Variants in KIRREL3 observed in about 807,000 individuals in gnomAD.
KIRREL3 encodes kin of IRRE-like protein 3.
KIRREL3 carries 36 observed loss-of-function variants against 89.7 expected under a neutral mutation model. That is an observed-to-expected ratio of 0.40 (90% confidence interval 0.31 to 0.53). KIRREL3 has a LOEUF of 0.53. Among genes scored for constraint, KIRREL3 ranks in the 20% least tolerant of loss-of-function variants. KIRREL3 has a pLI of 0.49. For synonymous variants in KIRREL3, 445 were observed against 441.4 expected (o/e 1.01, Z -0.10); for missense variants, 864 against 1,056.6 (o/e 0.82, Z 2.53).
intron 1 of KIRREL3, among the ~76,000 whole-genome samples, chr11:126,942,504 C>T (rs1030199767): frequency 1.3e-5 from 2 of 152,158 alleles, no homozygotes; most frequent in Admixed American, 6.5e-5. Context: ...GAAGCTGGCC[C>T]TTCTGTGGAA....
rs1227685385 is a variant in KIRREL3, at chr11:126,877,456, C to A, written c.55+122999G>T. 6.6e-6 allele frequency among the ~76,000 whole-genome samples: 1 copy of A among 152,174 alleles called. No homozygotes were observed. The highest frequency in any genetic ancestry group is 2.4e-5 in the African/African-American group (1 of 41,436). On this transcript the variant is annotated intron_variant, in intron 1 of 16. Coordinates refer to ENST00000525144, the MANE Select transcript of KIRREL3 (RefSeq NM_032531.4). The surrounding 1 kb of genome is among the most constrained non-coding windows in gnomAD (Gnocchi z 4.9). ...TCTGTAGTGAAAGTCTGCAATCCTG[C>A]AATGGAAAGAATCTCTTTCCTCCAC... is the stretch of plus-strand genomic sequence containing the variant.
chr11:126,549,632 G>A (rs1276000556), intron 2 of KIRREL3: 1 of 152,270 alleles, frequency 6.6e-6, no homozygotes, highest in African/African-American at 2.4e-5. Flanking sequence ...AAAGAATTCT[G>A]TGATGAAGCC....
chr11:126,535,017 G>A lies in KIRREL3; in HGVS notation c.134-8330C>T, dbSNP rs1937733303. On this transcript the variant is annotated intron_variant, in intron 2 of 16. Transcript: ENST00000525144. The surrounding 1 kb of genome is among the most constrained non-coding windows in gnomAD (Gnocchi z 4.5). ...GGGAGGAAGTGTGGAGGTGGCAGCA[G>A]CAGTGACAGGTGTGGCCTGGCCTAG... 6.6e-6 allele frequency among the ~76,000 whole-genome samples: 1 copy of A among 152,144 alleles called. No individual in the cohort carries two copies. Among genetic ancestry groups the A allele is most frequent in the Non-Finnish European group, 1.5e-5 (1 of 68,026 alleles).
At chr11:126,604,168 C>G (rs991623023) in intron 1 of KIRREL3, among the ~76,000 whole-genome samples, 1 of 152,188 alleles carries the variant, frequency 6.6e-6, no homozygotes, top group Non-Finnish European at 1.5e-5. Context: ...TAAGCAATAG[C>G]TTCTGTCCTT....
rs1950296072 is a variant in KIRREL3 at position 127,000,622 on chromosome 11, ATCTGTCCG to A, written c.-121_-114del. ...CGGTCCTCTCGGGTTCGCGCCTACC[ATCTGTCCG>A]TCCGTGGGTCCCTCCGGGTGGCTTC... On this transcript the variant is annotated 5_prime_UTR_variant, in exon 1 of 17. In the 5' UTR this introduces an upstream ATG that the reference lacks. Transcript: ENST00000525144. This position sits in a 1 kb window ranked among gnomAD's most constrained non-coding sequence, Gnocchi z 7.1. 6.4e-6 allele frequency: 7 copies of A among 1,100,844 alleles called. No homozygotes were observed. The highest frequency in any genetic ancestry group is 2.3e-5 in the Admixed American group (1 of 44,116). The allele number at this position is 1,100,844 out of a possible 1,614,324, so 68.2% of individuals were successfully genotyped here. A position where few individuals can be genotyped will look rare whatever the true frequency, so the allele number is the denominator to read the frequency against.
intron 1 of KIRREL3, among the ~76,000 whole-genome samples, chr11:126,929,415 G>A (rs1284258375): frequency 2.0e-5 from 3 of 152,086 alleles, no homozygotes; most frequent in African/African-American, 7.2e-5. Context: ...GAAGGGGAGA[G>A]GCCTTTTGTG....
intron 1 of KIRREL3, among the ~76,000 whole-genome samples, chr11:126,595,349 C>G (rs764420924): frequency 3.3e-5 from 5 of 152,218 alleles, no homozygotes; most frequent in African/African-American, 9.7e-5. Context: ...TGGCAGGGCC[C>G]TTGGCAAAGT....
Position 126,562,329 on chromosome 11 carries a change from G to A in KIRREL3, c.133+506C>T, listed in dbSNP as rs1940187560. Among the ~76,000 whole-genome samples, 1 of 152,118 alleles carries A rather than the reference G, an allele frequency of 6.6e-6. No homozygotes were observed. Among genetic ancestry groups the A allele is most frequent in the Non-Finnish European group, 1.5e-5 (1 of 68,020 alleles). On this transcript the variant is annotated intron_variant, in intron 2 of 16. Transcript: ENST00000525144. The surrounding 1 kb of genome is among the most constrained non-coding windows in gnomAD (Gnocchi z 4.7). ...GCCTCTGAGTAAGAGGGAGGGGTAG[G>A]GTCAGTGGAGTTGGGAAAGGGGGCA... is the stretch of plus-strand genomic sequence containing the variant.
chr11:126,648,620 T>C (rs1944786923), intron 1 of KIRREL3, among the ~76,000 whole-genome samples: 2 of 152,256 alleles, frequency 1.3e-5, no homozygotes, highest in African/African-American at 2.4e-5. Context: ...CATGAAGTCT[T>C]AGCTATTTGT....
chr11:126,440,418 G>T lies in KIRREL3; in HGVS notation c.1353+31C>A, dbSNP rs919487667. On this transcript the variant is annotated intron_variant, in intron 11 of 16. Transcript: ENST00000525144. ...AAAGTGACTGTTGGGCTGCTGGCCCGGCCCCCGCCCGCCGTCCCTGGAGCA... is the reference window on the plus strand; with the variant it reads ...AAAGTGACTGTTGGGCTGCTGGCCCTGCCCCCGCCCGCCGTCCCTGGAGCA... 5 of 1,544,976 alleles carry T rather than the reference G, an allele frequency of 3.2e-6. No homozygotes were observed. In the Admixed American group the frequency reaches 5.9e-5, roughly 18 times the overall value.
intron 1 of KIRREL3, among the ~76,000 whole-genome samples, chr11:126,809,274 C>T (rs933097858): frequency 6.6e-6 from 1 of 152,144 alleles, no homozygotes; most frequent in African/African-American, 2.4e-5. Context: ...ATGGAATCTC[C>T]TCCGTGCTCT....
At chr11:126,503,682 T>C (rs114471003) in intron 4 of KIRREL3, among the ~76,000 whole-genome samples, 41 of 152,150 alleles carry the variant, frequency 2.7e-4, no homozygotes, top group African/African-American at 9.9e-4. Context: ...GTAATTAGGG[T>C]TAGATACTGG....
In KIRREL3 at chr11:126,996,985, G is replaced by A. The variant is rs1391557226; in HGVS notation, c.55+3470C>T. On this transcript the variant is annotated intron_variant, in intron 1 of 16. Coordinates refer to ENST00000525144, the MANE Select transcript of KIRREL3 (RefSeq NM_032531.4). The surrounding 1 kb of genome is among the most constrained non-coding windows in gnomAD (Gnocchi z 4.7). ...AGAGCGAGTGTCTGGAGTAGAAGGC[G>A]CCAAGTTCTTGCCACTGTGGCTCCC... Among the ~76,000 whole-genome samples, 3 of 152,018 alleles carry A rather than the reference G, an allele frequency of 2.0e-5. No homozygotes were observed. Among genetic ancestry groups the A allele is most frequent in the South Asian group, 2.1e-4 (1 of 4,806 alleles).
At position 126,576,099 on chromosome 11, in the gene KIRREL3, CCA is replaced by C. The variant is rs1941241426; in HGVS notation, c.56-13189_56-13188del. Reference sequence around the variant, plus strand: ...GCACATGTGTATGTGACGAGTAACTCCACAGACAGGGATGATCTACTCTAATG... The same window carrying C: ...GCACATGTGTATGTGACGAGTAACTCCAGACAGGGATGATCTACTCTAATG... On this transcript the variant is annotated intron_variant, in intron 1 of 16. Coordinates refer to ENST00000525144, the MANE Select transcript of KIRREL3 (RefSeq NM_032531.4). The surrounding 1 kb of genome is among the most constrained non-coding windows in gnomAD (Gnocchi z 5.4). Among the ~76,000 whole-genome samples the C allele has an allele frequency of 6.6e-6, 1 of 152,142 alleles. No individual in the cohort carries two copies. Among genetic ancestry groups the C allele is most frequent in the Non-Finnish European group, 1.5e-5 (1 of 68,044 alleles).
At position 126,863,400 on chromosome 11, in the gene KIRREL3, TGCG is replaced by T. The variant is rs1565362647; in HGVS notation, c.55+137052_55+137054del. On this transcript the variant is annotated intron_variant, in intron 1 of 16. Coordinates refer to ENST00000525144, the MANE Select transcript of KIRREL3 (RefSeq NM_032531.4). ...GTGTGTGTTTGAGTGCGTGTGTGAG[TGCG>T]TGAGTGCGTGTGTGAGCGCATGTGT... is the stretch of plus-strand genomic sequence containing the variant. Among the ~76,000 whole-genome samples the T allele has an allele frequency of 1.8e-4, 8 of 45,582 alleles. 1 individual carries two copies. The East Asian group carries it at 0.024, about 138-fold the overall frequency. 29.9% of individuals were successfully genotyped at this position (45,582 alleles called of 152,430 possible).
intron 1 of KIRREL3, among the ~76,000 whole-genome samples, chr11:126,662,183 C>T (rs1945434910): frequency 6.6e-6 from 1 of 152,134 alleles, no homozygotes; most frequent in African/African-American, 2.4e-5. Flanking sequence ...ACAGAGGCTT[C>T]GGGCAACTGC....
At chr11:126,907,198 C>T (rs987815990) in intron 1 of KIRREL3, among the ~76,000 whole-genome samples, 3 of 152,154 alleles carry the variant, frequency 2.0e-5, no homozygotes, top group Non-Finnish European at 2.9e-5. Flanking sequence ...TCCCTAGACC[C>T]CCACTGATTG....
chr11:126,625,639 C>T (rs1943753035), intron 1 of KIRREL3, among the ~76,000 whole-genome samples: 2 of 152,144 alleles, frequency 1.3e-5, no homozygotes, highest in African/African-American at 4.8e-5. Context: ...TGATGTCCTG[C>T]CCCTCCTGTC....
At chr11:126,962,751 T>C (rs1380875742) in intron 1 of KIRREL3, among the ~76,000 whole-genome samples, 3 of 152,138 alleles carry the variant, frequency 2.0e-5, no homozygotes, top group South Asian at 4.1e-4. Context: ...AACATTCAAA[T>C]TGATATGGCC....
Sources: allele counts gnomAD v4.1 joint callset (sites outside exome capture counted in the v4.1 genomes callset), GRCh38; gene constraint gnomAD v4.1.1; non-coding constraint Gnocchi (gnomAD v3.1); transcripts MANE v1.5; gene names NCBI Gene and HGNC (gene_info 2026-07-23, HGNC 2026-07-21).